The following ROBO1 variants were observed in gnomAD, a reference collection of about 807,000 sequenced individuals.
The protein encoded by ROBO1 is roundabout guidance receptor 1.
In ROBO1, 149 loss-of-function variants were observed where a neutral mutation model predicts 195.9. The observed-to-expected ratio is 0.76, with a 90% CI of 0.67 to 0.87. The LOEUF is 0.87. Ranked by LOEUF, ROBO1 falls within the 40% of genes least tolerant of loss-of-function variation. The pLI is 0.00. For missense variants in ROBO1, 1,933 were observed against 2,068.3 expected (o/e 0.93, Z 1.27); for synonymous variants, 816 against 733.2 (o/e 1.11, Z -1.82).
intron 3 of ROBO1, among the ~76,000 whole-genome samples, chr3:79,054,626 A>G (rs2078768001): frequency 6.6e-6 from 1 of 152,138 alleles, no homozygotes; most frequent in African/African-American, 2.4e-5. Context: ...ATTGAGGTCA[A>G]CTTGGTCATA....
At chr3:79,554,017 C>T (rs970278535) in intron 2 of ROBO1, among the ~76,000 whole-genome samples, 10 of 152,048 alleles carry the variant, frequency 6.6e-5, no homozygotes, top group South Asian at 2.1e-4. Flanking sequence ...TAATGTCTTT[C>T]GGCATTTTGG....
intron 4 of ROBO1, among the ~76,000 whole-genome samples, chr3:78,869,757 C>T (rs925839820): frequency 1.3e-5 from 2 of 152,212 alleles, no homozygotes; most frequent in East Asian, 3.9e-4. Flanking sequence ...CCACCCCTGG[C>T]CTGGCATATT....
chr3:79,500,807 A>G (rs987438149), intron 2 of ROBO1, among the ~76,000 whole-genome samples: 4 of 152,208 alleles, frequency 2.6e-5, no homozygotes, highest in African/African-American at 9.6e-5. Flanking sequence ...AAGGGCTAAT[A>G]TATCATCTAT....
chr3:79,495,030 T>C (rs554026590), intron 2 of ROBO1, among the ~76,000 whole-genome samples: 90 of 152,076 alleles, frequency 5.9e-4, no homozygotes, highest in African/African-American at 1.8e-3. Flanking sequence ...GGTAGATAGA[T>C]AGATAGATAG....
At chr3:78,685,687 C>T in intron 10 of ROBO1, 59 bp downstream of exon 10, 2 of 1,234,898 alleles carry the variant, frequency 1.6e-6, no homozygotes, top group Non-Finnish European at 2.2e-6. Flanking sequence ...TCTACTGGCA[C>T]CCTCTCTGGA....
chr3:79,592,279 T>C (rs1299380431), intron 1 of ROBO1, among the ~76,000 whole-genome samples: 2 of 151,980 alleles, frequency 1.3e-5, no homozygotes, highest in Non-Finnish European at 2.9e-5. Context: ...CTTATTATAA[T>C]TGATTGAATT....
intron 3 of ROBO1, among the ~76,000 whole-genome samples, chr3:79,005,830 C>A (rs1443628223): frequency 6.6e-6 from 1 of 152,094 alleles, no homozygotes; most frequent in African/African-American, 2.4e-5. Flanking sequence ...GAGTAAGCTT[C>A]TCTCCTGAAA....
chr3:78,900,613 T>C (rs895808615), intron 4 of ROBO1, among the ~76,000 whole-genome samples: 3 of 152,156 alleles, frequency 2.0e-5, no homozygotes, highest in Non-Finnish European at 2.9e-5. Context: ...TGAAAAACAT[T>C]CCATTCCTTT....
At chr3:78,683,797 A>T (rs1361525792) in intron 10 of ROBO1, among the ~76,000 whole-genome samples, 1 of 152,054 alleles carries the variant, frequency 6.6e-6, no homozygotes, top group East Asian at 1.9e-4. Flanking sequence ...TAGATAAAAA[A>T]AATTTGCATC....
At chr3:79,724,726 CAG>C (rs1404894068) in intron 1 of ROBO1, among the ~76,000 whole-genome samples, 1 of 152,286 alleles carries the variant, frequency 6.6e-6, no homozygotes, top group Non-Finnish European at 1.5e-5. Context: ...GAACAAGAAA[CAG>C]TGTCCCAGCA....
At chr3:78,735,179 A>G (rs2082367053) in intron 5 of ROBO1, among the ~76,000 whole-genome samples, 1 of 152,214 alleles carries the variant, frequency 6.6e-6, no homozygotes, top group Non-Finnish European at 1.5e-5. Context: ...TCACCTCTCC[A>G]AGTTATTAAA....
rs2081849429 is a variant in ROBO1 at position 78,714,488 on chromosome 3, C to T, written c.954G>A (p.Arg318=). 1 of 1,612,342 alleles carries T rather than the reference C, an allele frequency of 6.2e-7. No individual in the cohort carries two copies. The highest frequency in any genetic ancestry group is 8.5e-7 in the Non-Finnish European group (1 of 1,179,214). The change falls in exon 8 of 31, where the codon AGG becomes AGA. Residue 318 remains arginine, a synonymous_variant. Transcript: ENST00000464233. The part of the protein sequence containing the change: ...EIRDDHTLKI[R]KVTAGDMGSY... Reference sequence around the variant, plus strand: ...AACCCATGTCACCAGCTGTCACCTTCCTAATTTTCAAGGTATGATCATCTC... The same window carrying T: ...AACCCATGTCACCAGCTGTCACCTTTCTAATTTTCAAGGTATGATCATCTC...
intron 4 of ROBO1, among the ~76,000 whole-genome samples, chr3:78,782,050 C>A (rs1395569196): frequency 2.6e-5 from 4 of 152,028 alleles, no homozygotes; most frequent in Admixed American, 6.6e-5. Context: ...TTTGCTAGGC[C>A]AAGTAATTAT....
intron 2 of ROBO1, among the ~76,000 whole-genome samples, chr3:79,471,587 G>A (rs945571302): frequency 6.6e-6 from 1 of 152,036 alleles, no homozygotes; most frequent in South Asian, 2.1e-4. Flanking sequence ...GACTAAAATG[G>A]TTTACTCCTA....
intron 1 of ROBO1, among the ~76,000 whole-genome samples, chr3:79,730,615 TTTTCATTTCA>T (rs926822344): frequency 3.3e-5 from 5 of 152,130 alleles, no homozygotes; most frequent in African/African-American, 1.2e-4. Context: ...GAATGCTTTC[TTTTCATTTCA>T]TTTCATTTCA....
At chr3:79,389,035 TAATAA>T (rs1228169987) in intron 2 of ROBO1, among the ~76,000 whole-genome samples, 3 of 152,036 alleles carry the variant, frequency 2.0e-5, no homozygotes, top group Non-Finnish European at 4.4e-5. Flanking sequence ...GCTAAATTAA[TAATAA>T]AATTAATTAT....
chr3:78,648,200 G>C lies in ROBO1; in HGVS notation c.2813-545C>G, dbSNP rs566007143. 2.0e-3 allele frequency among the ~76,000 whole-genome samples: 309 copies of C among 151,822 alleles called. 2 individuals are homozygous for C. Among genetic ancestry groups the C allele is most frequent in the African/African-American group, 7.1e-3 (294 of 41,418 alleles). On this transcript the variant is annotated intron_variant, in intron 19 of 30. Coordinates refer to ENST00000464233, the MANE Select transcript of ROBO1 (RefSeq NM_002941.4). ...AACAAACAAACACAACACAAGTAAA[G>C]GAAAGGAAAGAAAAAGATGAACTGA...
intron 4 of ROBO1, among the ~76,000 whole-genome samples, chr3:78,795,095 GA>G (rs971999410): frequency 2.0e-5 from 3 of 151,450 alleles, no homozygotes; most frequent in Non-Finnish European, 4.4e-5. Context: ...TTTCCTTGCA[GA>G]AAAAAAAATT....
chr3:78,736,019 A>G (rs534130667), intron 5 of ROBO1, among the ~76,000 whole-genome samples: 41 of 152,326 alleles, frequency 2.7e-4, no homozygotes, highest in Non-Finnish European at 5.0e-4. Context: ...TCACACTTAT[A>G]GCAATGTATT....
Sources: gnomAD v4.1 joint callset for allele counts (sites outside exome capture counted in the v4.1 genomes callset) on GRCh38, gnomAD v4.1.1 for gene constraint, MANE v1.5 for transcripts, NCBI Gene and HGNC (gene_info 2026-07-23, HGNC 2026-07-21) for gene names.